NXT2: variants seen among roughly 807,000 people sequenced by gnomAD.
NXT2 encodes the protein nuclear transport factor 2 like export factor 2, also known as NTF2-related export protein 2.
NXT2 carries 1 observed loss-of-function variant against 9.6 expected under a neutral mutation model. The observed-to-expected ratio is 0.10, with a 90% confidence interval of 0.04 to 0.49. The LOEUF is 0.49. Ranked by LOEUF, NXT2 falls within the 20% of genes least tolerant of loss-of-function variation. NXT2 has a pLI of 0.95. For synonymous variants in NXT2, 22 were observed against 35.4 expected, an observed-to-expected ratio of 0.62 and a Z score of 1.34; for missense variants, 48 against 100.3, an observed-to-expected ratio of 0.48 and a Z score of 2.23.
In NXT2 at chrX:109,541,528, T is replaced by G; in HGVS notation, c.156T>G (p.Ala52=). Residue 52 remains alanine, a synonymous_variant, in exon 3 of 4, where the codon GCT becomes GCG. Transcript: ENST00000372106. The part of the protein sequence containing the change: ...DKATLIWNGN[A]VSGLDALNNF... ...CCACCTTAATATGGAATGGAAATGC[T>G]GTTTCAGGGCTGGATGCCCTAAATA... 1 of 1,208,423 alleles carries G rather than the reference T, an allele frequency of 8.3e-7. No individual in the cohort carries two copies. Among genetic ancestry groups the G allele is most frequent in the South Asian group, 1.8e-5 (1 of 56,728 alleles).
intron 2 of NXT2, among the ~76,000 whole-genome samples, chrX:109,539,128 G>A (rs1417664065): frequency 9.0e-6 from 1 of 111,417 alleles, no homozygotes; most frequent in Non-Finnish European, 1.9e-5. Flanking sequence ...ACTGTGTTTG[G>A]TTTTCTGTCC....
intron 1 of NXT2, 48 bp downstream of exon 1, chrX:109,537,069 G>C (rs1203778033): frequency 8.5e-7 from 1 of 1,182,599 alleles, no homozygotes; most frequent in Admixed American, 2.4e-5. Flanking sequence ...GACTCCAGTG[G>C]CTGAGAGGAG....
At chrX:109,536,765 A>C (rs1057403529), upstream of NXT2, 1 of 925,676 alleles carries the variant, frequency 1.1e-6, no homozygotes, top group East Asian at 3.7e-5. Flanking sequence ...AAACAAGTAG[A>C]TAAGGTGGAT....
chrX:109,537,356 C>A, intron 1 of NXT2: 1 of 846,302 alleles, frequency 1.2e-6, no homozygotes, highest in Non-Finnish European at 1.4e-6. Context: ...AAGAAACTGG[C>A]GATTCATTGT....
chrX:109,536,938 C>T lies in NXT2; in HGVS notation c.-69C>T. The stretch of plus-strand genomic sequence containing the variant: ...TCATAAGTATTGATCATTCCGCAGC[C>T]CTGCGGACCGGACACGTGAGGAGGT... On this transcript the variant is annotated 5_prime_UTR_variant, in exon 1 of 4. Coordinates refer to ENST00000372106, the MANE Select transcript of NXT2 (RefSeq NM_001242617.2). The T allele has an allele frequency of 3.3e-6, 4 of 1,211,023 alleles. No individual in the cohort carries two copies. Among genetic ancestry groups the T allele is most frequent in the Non-Finnish European group, 4.5e-6 (4 of 895,057 alleles).
intron 2 of NXT2, among the ~76,000 whole-genome samples, chrX:109,540,186 G>T (rs1372513915): frequency 9.0e-6 from 1 of 111,446 alleles, no homozygotes; most frequent in East Asian, 2.8e-4. Context: ...TCAGGGAAAA[G>T]GGTTGTGACA....
At chrX:109,539,401 G>C (rs1287136291) in intron 2 of NXT2, among the ~76,000 whole-genome samples, 1 of 111,388 alleles carries the variant, frequency 9.0e-6, no homozygotes, top group East Asian at 2.8e-4. Context: ...TAATGGGATT[G>C]CTGGGTCAAA....
chrX:109,537,268 G>A (rs1022129616), intron 1 of NXT2: 7 of 988,917 alleles, frequency 7.1e-6, no homozygotes, highest in Non-Finnish European at 8.9e-6. Flanking sequence ...CGGGGATGTT[G>A]GGGTTTGTTG....
chrX:109,536,300 C>T (rs1933272217), upstream of NXT2, among the ~76,000 whole-genome samples: 1 of 112,539 alleles, frequency 8.9e-6, no homozygotes, highest in Admixed American at 9.3e-5. Flanking sequence ...ATAAATAGCC[C>T]TTAAAAGATG....
At chrX:109,539,660 C>T (rs1296333341) in intron 2 of NXT2, among the ~76,000 whole-genome samples, 2 of 110,549 alleles carry the variant, frequency 1.8e-5, no homozygotes, top group African/African-American at 6.6e-5. Context: ...TTGCTGGCCA[C>T]TTCTTCTTTT....
At chrX:109,537,128 A>G in intron 1 of NXT2, 107 bp downstream of exon 1, 1 of 1,109,997 alleles carries the variant, frequency 9.0e-7, no homozygotes, top group Non-Finnish European at 1.2e-6. Flanking sequence ...GTGACGAATC[A>G]CGTCCCGGCT....
Position 109,536,917 on chromosome X carries a change from A to G in NXT2, c.-90A>G. The stretch of plus-strand genomic sequence containing the variant: ...GTTTGGCGGGTTTCGCTCTCTTCAT[A>G]AGTATTGATCATTCCGCAGCCCTGC... On this transcript the variant is annotated 5_prime_UTR_variant, in exon 1 of 4. The change creates a new upstream start codon in the 5' untranslated region. Coordinates refer to ENST00000372106, the MANE Select transcript of NXT2 (RefSeq NM_001242617.2). The G allele has an allele frequency of 5.0e-6, 6 of 1,208,945 alleles. No homozygotes were observed. The highest frequency in any genetic ancestry group is 6.7e-6 in the Non-Finnish European group (6 of 894,167).
At chrX:109,538,207 G>T in intron 2 of NXT2, 76 bp downstream of exon 2, 1 of 660,713 alleles carries the variant, frequency 1.5e-6, no homozygotes, top group Non-Finnish European at 2.3e-6. Flanking sequence ...TGGAGCCAGC[G>T]TTTCATCTGA....
At chrX:109,537,487 A>G in intron 1 of NXT2, 1 of 525,610 alleles carries the variant, frequency 1.9e-6, no homozygotes, top group Non-Finnish European at 2.3e-6. Context: ...GGCAAACAGC[A>G]GTGAATATTT....
intron 2 of NXT2, among the ~76,000 whole-genome samples, chrX:109,540,500 G>A (rs1464112243): frequency 9.2e-6 from 1 of 108,570 alleles, no homozygotes; most frequent in Non-Finnish European, 1.9e-5. Context: ...GCTAATTTTT[G>A]TAGTTTTAGT....
chrX:109,536,851 G>A lies in NXT2; in HGVS notation c.-156G>A, dbSNP rs956191057. Reference sequence around the variant, plus strand: ...CGGTGTGCTTTTAACGACGGACCGAGCTACTTCCGGGAGAGAATGGGAGGG... The same window carrying A: ...CGGTGTGCTTTTAACGACGGACCGAACTACTTCCGGGAGAGAATGGGAGGG... On this transcript the variant is annotated 5_prime_UTR_variant, in exon 1 of 4. Coordinates refer to ENST00000372106, the MANE Select transcript of NXT2 (RefSeq NM_001242617.2). The A allele has an allele frequency of 4.4e-6, 5 of 1,138,512 alleles. No homozygotes were observed. In the African/African-American group the frequency reaches 9.0e-5, roughly 21 times the overall value. The allele number at this position is 1,138,512 out of a possible 1,213,427, so 93.8% of individuals were successfully genotyped here. A position where few individuals can be genotyped will look rare whatever the true frequency, so the allele number is the denominator to read the frequency against.
At chrX:109,537,317 C>A in intron 1 of NXT2, 2 of 898,819 alleles carry the variant, frequency 2.2e-6, no homozygotes, top group Non-Finnish European at 2.7e-6. Flanking sequence ...TTATCTTCCT[C>A]TCTAAAAATC....
intron 1 of NXT2, 197 bp downstream of exon 1, chrX:109,537,218 T>C (rs745324299): frequency 1.7e-5 from 17 of 1,026,127 alleles, no homozygotes; most frequent in Non-Finnish European, 2.1e-5. Flanking sequence ...AGTCGCTTTC[T>C]GATCCCGGAA....
intron 2 of NXT2, among the ~76,000 whole-genome samples, chrX:109,541,129 C>G (rs771667162): frequency 1.7e-4 from 19 of 111,760 alleles, no homozygotes; most frequent in African/African-American, 6.2e-4. Context: ...CTAAAACTGG[C>G]TTGGGGCTGC....
Sources: allele counts gnomAD v4.1 joint callset (sites outside exome capture counted in the v4.1 genomes callset), GRCh38; gene constraint gnomAD v4.1.1; transcripts MANE v1.5; gene names NCBI Gene and HGNC (gene_info 2026-07-23, HGNC 2026-07-21).